ATP6V1H: variants seen among roughly 807,000 people sequenced by gnomAD.
The protein encoded by ATP6V1H is ATPase H+ transporting V1 subunit H.
ATP6V1H carries 39 observed loss-of-function variants against 71.7 expected under a neutral mutation model. The ratio of observed to expected loss-of-function variants is 0.54; its 90% confidence interval spans 0.42 to 0.71. The LOEUF is 0.71. Among genes scored for constraint, ATP6V1H ranks in the 30% least tolerant of loss-of-function variants. The pLI, the probability that ATP6V1H is intolerant of heterozygous loss-of-function variation, is 0.00. For synonymous variants in ATP6V1H, 192 were observed against 199.3 expected, an observed-to-expected ratio of 0.96 and a Z score of 0.31; for missense variants, 509 against 594.9, an observed-to-expected ratio of 0.86 and a Z score of 1.50.
chr8:53,817,829 C>A (rs1810500656), intron 4 of ATP6V1H, among the ~76,000 whole-genome samples: 2 of 152,160 alleles, frequency 1.3e-5, no homozygotes, highest in African/African-American at 4.8e-5. Context: ...AACAGGTCTA[C>A]ACCCACCACC....
At chr8:53,801,939 A>G in intron 7 of ATP6V1H, 43 bp from the exon 8 acceptor site, 1 of 1,550,034 alleles carries the variant, frequency 6.5e-7, no homozygotes. Context: ...GGAAGCATTT[A>G]AAGTCATGCG....
intron 12 of ATP6V1H, among the ~76,000 whole-genome samples, chr8:53,750,705 A>G (rs368397239): frequency 1.3e-5 from 2 of 152,228 alleles, no homozygotes; most frequent in Admixed American, 6.5e-5. Context: ...AAGAGACAAC[A>G]TTCTGACACT....
chr8:53,756,917 T>C (rs541710786), intron 11 of ATP6V1H, among the ~76,000 whole-genome samples: 1 of 152,272 alleles, frequency 6.6e-6, no homozygotes, highest in East Asian at 1.9e-4. Flanking sequence ...AACTAGAACA[T>C]GAATAAAAGT....
At chr8:53,738,535 C>T (rs1252731156) in intron 13 of ATP6V1H, among the ~76,000 whole-genome samples, 1 of 152,186 alleles carries the variant, frequency 6.6e-6, no homozygotes, top group Non-Finnish European at 1.5e-5. Flanking sequence ...CAAAGCCAAT[C>T]GTAAGCAAAC....
At chr8:53,801,343 A>T (rs1441190906) in intron 8 of ATP6V1H, among the ~76,000 whole-genome samples, 1 of 152,332 alleles carries the variant, frequency 6.6e-6, no homozygotes, top group East Asian at 1.9e-4. Context: ...ATTGTTTTGG[A>T]GGTTTTCAGG....
intron 11 of ATP6V1H, among the ~76,000 whole-genome samples, chr8:53,763,626 C>T (rs909575164): frequency 1.3e-5 from 2 of 151,792 alleles, no homozygotes; most frequent in South Asian, 4.1e-4. Context: ...ATCTTGGAAA[C>T]AAAAGAGCAG....
At position 53,772,059 on chromosome 8, in the gene ATP6V1H, C is replaced by T; in HGVS notation, c.979G>A (p.Asp327Asn). ...QLENLEQQKY[D>N]DEDISEDIKF... ...ATATCTTCGCTGATATCTTCATCAT[C>T]GTACTTCTGCTGTTCCAAGTTCTCC... Residue 327 changes from aspartate to asparagine, a missense_variant, in exon 10 of 14, where the codon GAT becomes AAT. Around this residue, in one of 2 missense-constraint regions of ATP6V1H, gnomAD observed 212 missense variants for 291.6 expected, o/e 0.73. Coordinates refer to ENST00000359530, the MANE Select transcript of ATP6V1H (RefSeq NM_015941.4). 4.3e-6 allele frequency: 7 copies of T among 1,614,070 alleles called. No individual in the cohort carries two copies. The highest frequency in any genetic ancestry group is 4.2e-6 in the Non-Finnish European group (5 of 1,179,976).
chr8:53,790,694 A>T (rs1809538759), intron 9 of ATP6V1H, among the ~76,000 whole-genome samples: 1 of 152,204 alleles, frequency 6.6e-6, no homozygotes. Flanking sequence ...GCCTGAGTGC[A>T]TACAGACTTT....
At chr8:53,762,843 C>T (rs1341311100) in intron 11 of ATP6V1H, among the ~76,000 whole-genome samples, 1 of 148,358 alleles carries the variant, frequency 6.7e-6, no homozygotes, top group African/African-American at 2.5e-5. Context: ...GATTTTCTTA[C>T]ACCCATTTGC....
At chr8:53,740,301 T>C (rs1807366155) in intron 13 of ATP6V1H, among the ~76,000 whole-genome samples, 1 of 152,328 alleles carries the variant, frequency 6.6e-6, no homozygotes, top group Non-Finnish European at 1.5e-5. Flanking sequence ...AAGTAATAAA[T>C]GTTAATTTTA....
At chr8:53,781,053 C>A (rs563339552) in intron 9 of ATP6V1H, among the ~76,000 whole-genome samples, 5 of 152,272 alleles carry the variant, frequency 3.3e-5, no homozygotes, top group African/African-American at 1.2e-4. Context: ...TGGGTATATA[C>A]CCAGTAATGG....
In ATP6V1H at chr8:53,740,980, G is replaced by C. The variant is rs80238501; in HGVS notation, c.1391+2597C>G. The stretch of plus-strand genomic sequence containing the variant: ...AAATTTCTCTATGAAGGAAGTGTGG[G>C]AAAATACTAAGCTTCTCCATTAAAT... On this transcript the variant is annotated intron_variant, in intron 13 of 13. Transcript: ENST00000359530. Among the ~76,000 whole-genome samples the C allele has an allele frequency of 2.1e-3, 326 of 152,218 alleles. 8 individuals carry two copies. The East Asian group carries it at 0.055, about 26-fold the overall frequency.
intron 12 of ATP6V1H, among the ~76,000 whole-genome samples, chr8:53,751,816 C>T (rs1384950748): frequency 6.6e-6 from 1 of 152,012 alleles, no homozygotes; most frequent in Admixed American, 6.6e-5. Flanking sequence ...ACTACAGGCT[C>T]ATGCCACCAT....
chr8:53,764,624 C>T (rs149102247), intron 11 of ATP6V1H, among the ~76,000 whole-genome samples: 3 of 151,854 alleles, frequency 2.0e-5, no homozygotes, highest in Non-Finnish European at 4.4e-5. Flanking sequence ...TCAGAAGCAA[C>T]GCAAGGATGT....
chr8:53,749,329 A>C (rs188319869), intron 12 of ATP6V1H, among the ~76,000 whole-genome samples: 1 of 152,356 alleles, frequency 6.6e-6, no homozygotes, highest in East Asian at 1.9e-4. Flanking sequence ...CCAGCAAAAT[A>C]ATTTATTGAA....
chr8:53,835,030 C>A (rs998872053), intron 2 of ATP6V1H, among the ~76,000 whole-genome samples: 1 of 152,032 alleles, frequency 6.6e-6, no homozygotes, highest in Non-Finnish European at 1.5e-5. Flanking sequence ...CTCCTGTAGT[C>A]CCAGCTACTC....
At chr8:53,782,621 G>T (rs1008661335) in intron 9 of ATP6V1H, among the ~76,000 whole-genome samples, 1 of 152,124 alleles carries the variant, frequency 6.6e-6, no homozygotes, top group African/African-American at 2.4e-5. Flanking sequence ...TCTTGTGCCA[G>T]TTTTCAAAGG....
intron 13 of ATP6V1H, among the ~76,000 whole-genome samples, chr8:53,735,602 C>T (rs772898886): frequency 4.6e-5 from 7 of 152,160 alleles, no homozygotes; most frequent in African/African-American, 9.6e-5. Context: ...TCGGCCACCC[C>T]GCAAATCATA....
chr8:53,730,324 C>T (rs1055825281), intron 13 of ATP6V1H, among the ~76,000 whole-genome samples: 2 of 152,202 alleles, frequency 1.3e-5, no homozygotes, highest in Non-Finnish European at 2.9e-5. Context: ...ACAAGAAAAA[C>T]ATGTCTAGAC....
Sources: allele counts gnomAD v4.1 joint callset (sites outside exome capture counted in the v4.1 genomes callset), GRCh38; gene constraint gnomAD v4.1.1; regional missense constraint gnomAD v4.1.1; transcripts MANE v1.5; gene names NCBI Gene and HGNC (gene_info 2026-07-23, HGNC 2026-07-21).